The following PDE3B variants were observed in gnomAD, a reference collection of about 807,000 sequenced individuals.
The protein encoded by PDE3B is cGMP-inhibited 3',5'-cyclic phosphodiesterase 3B.
In PDE3B, 66 loss-of-function variants were observed where a neutral mutation model predicts 116.8. The ratio of observed to expected loss-of-function variants is 0.56; its 90% CI spans 0.46 to 0.69. The LOEUF is 0.69. PDE3B is among the 30% of genes least tolerant of loss of function. The pLI is 0.00. For missense variants in PDE3B, 1,384 were observed against 1,368.1 expected, an observed-to-expected ratio of 1.01 and a Z score of -0.18; for synonymous variants, 595 against 533.6, an observed-to-expected ratio of 1.12 and a Z score of -1.59.
rs1207209102 is a variant in PDE3B at position 14,843,990 on chromosome 11, G to C, written c.2484G>C (p.Arg828Ser). ...TGCATGATTATGATCACCCAGGGAG[G>C]ACAAATGCATTTCTAGTGGCTACAA... ...AAMHDYDHPG[R>S]TNAFLVATNA... Residue 828 changes from arginine (R) to serine (S), a missense_variant, in exon 12 of 16, where the codon AGG becomes AGC. Around this residue, in one of 2 missense-constraint regions of PDE3B, gnomAD observed 428 missense variants for 561.4 expected, o/e 0.76. Coordinates refer to ENST00000282096, the MANE Select transcript of PDE3B (RefSeq NM_000922.4). 6.2e-7 allele frequency: 1 copy of C among 1,614,064 alleles called. No individual in the cohort carries two copies. The highest frequency in any genetic ancestry group is 1.7e-5 in the Admixed American group (1 of 60,022).
intron 1 of PDE3B, among the ~76,000 whole-genome samples, chr11:14,670,231 A>G (rs1418929409): frequency 2.0e-5 from 3 of 152,206 alleles, no homozygotes; most frequent in African/African-American, 7.2e-5. Context: ...ACCTTAGGCA[A>G]GTTATCTAAT....
intron 12 of PDE3B, among the ~76,000 whole-genome samples, chr11:14,855,373 G>C (rs1332481439): frequency 6.6e-6 from 1 of 151,664 alleles, no homozygotes; most frequent in Non-Finnish European, 1.5e-5. Flanking sequence ...TTCCCGAGAA[G>C]ATGAAAACAA....
downstream of PDE3B, among the ~76,000 whole-genome samples, chr11:14,874,220 T>C (rs1431801240): frequency 6.6e-6 from 1 of 152,192 alleles, no homozygotes; most frequent in East Asian, 1.9e-4. Flanking sequence ...TCTTTTTATT[T>C]GTATTTCCTG....
intron 4 of PDE3B, among the ~76,000 whole-genome samples, chr11:14,802,267 G>C (rs888611039): frequency 4.6e-5 from 7 of 152,190 alleles, no homozygotes; most frequent in African/African-American, 1.4e-4. Flanking sequence ...TTGAAACCCA[G>C]GGCCCCGGTG....
the PDE3B span, chr11:14,886,048 C>T: frequency 5.9e-6 from 5 of 851,292 alleles, no homozygotes; most frequent in Non-Finnish European, 7.7e-6. Flanking sequence ...GCAGTTATTA[C>T]TCAACTGACA....
Position 14,678,166 on chromosome 11 carries a change from T to C in PDE3B, c.978+33113T>C, listed in dbSNP as rs546795789. Reference sequence around the variant, plus strand: ...CTGGTTTTGAACTGGCCTCAAGTTATTCACTTGTCTTAGCCTCCCGGACTG... The same window carrying C: ...CTGGTTTTGAACTGGCCTCAAGTTACTCACTTGTCTTAGCCTCCCGGACTG... On this transcript the variant is annotated intron_variant, in intron 1 of 15. Transcript: ENST00000282096. Among the ~76,000 whole-genome samples, 18 of 152,320 alleles carry C rather than the reference T, an allele frequency of 1.2e-4. No individual in the cohort carries two copies. The East Asian group carries it at 2.7e-3, about 23-fold the overall frequency.
chr11:14,808,049 G>A (rs1858999996), intron 5 of PDE3B, among the ~76,000 whole-genome samples: 2 of 147,324 alleles, frequency 1.4e-5, no homozygotes, highest in Admixed American at 1.4e-4. Flanking sequence ...GACAAAGCGA[G>A]CCTTCGTCTC....
chr11:14,802,316 C>T (rs1284771502), intron 4 of PDE3B, among the ~76,000 whole-genome samples: 4 of 152,126 alleles, frequency 2.6e-5, no homozygotes, highest in African/African-American at 9.7e-5. Flanking sequence ...CTGTGGATTG[C>T]GAAGACTGGG....
chr11:14,654,379 A>G (rs1590033638), intron 1 of PDE3B, among the ~76,000 whole-genome samples: 1 of 152,226 alleles, frequency 6.6e-6, no homozygotes, highest in Non-Finnish European at 1.5e-5. Context: ...AGTGGAATCC[A>G]TAAAGCAGTG....
intron 5 of PDE3B, among the ~76,000 whole-genome samples, chr11:14,807,588 CAGA>C (rs1035652396): frequency 1.3e-4 from 20 of 151,956 alleles, no homozygotes; most frequent in Admixed American, 3.3e-4. Flanking sequence ...AAAGCAAAAA[CAGA>C]AGAAACACAC....
intron 1 of PDE3B, among the ~76,000 whole-genome samples, chr11:14,655,589 A>G (rs1853695535): frequency 6.6e-6 from 1 of 152,158 alleles, no homozygotes; most frequent in Non-Finnish European, 1.5e-5. Context: ...GTAGACTCAG[A>G]TGTGCAGACT....
At position 14,830,815 on chromosome 11, in the gene PDE3B, C is replaced by A. The variant is rs1284875219; in HGVS notation, c.1925C>A (p.Thr642Lys). ...KLFQEGDKWL[T>K]EEAQSEQQTN... ...TTTCAGGAAGGTGATAAGTGGCTAA[C>A]AGAAGAGGCACAGAGTGAACAGCAA... The change falls in exon 8 of 16, where the codon ACA (threonine) becomes AAA (lysine). Residue 642 changes from threonine to lysine, a missense_variant. By Grantham distance (78) the Thr-to-Lys change is moderately conservative. Around this residue, in one of 2 missense-constraint regions of PDE3B, gnomAD observed 956 missense variants for 806.8 expected, o/e 1.18. Coordinates refer to ENST00000282096, the MANE Select transcript of PDE3B (RefSeq NM_000922.4). 3 of 1,526,376 alleles carry A rather than the reference C, an allele frequency of 2.0e-6. No homozygotes were observed. The highest frequency in any genetic ancestry group is 8.8e-7 in the Non-Finnish European group (1 of 1,142,462). 94.6% of individuals were successfully genotyped at this position (1,526,376 alleles called of 1,614,324 possible). A position where few individuals can be genotyped will look rare whatever the true frequency, so the allele number is the denominator to read the frequency against.
chr11:14,664,617 C>T (rs193042711), intron 1 of PDE3B, among the ~76,000 whole-genome samples: 133 of 152,196 alleles, frequency 8.7e-4, no homozygotes, highest in African/African-American at 2.7e-3. Flanking sequence ...TACAAACTAC[C>T]GTCAGAGGAT....
At chr11:14,771,825 T>A (rs974179245) in intron 1 of PDE3B, 112 bp from the exon 2 acceptor site, 8 of 423,712 alleles carry the variant, frequency 1.9e-5, no homozygotes, top group Non-Finnish European at 3.5e-5. Flanking sequence ...CCAATATCTC[T>A]TCCAGATTTT....
At chr11:14,708,673 T>A (rs1316389852) in intron 1 of PDE3B, among the ~76,000 whole-genome samples, 1 of 152,108 alleles carries the variant, frequency 6.6e-6, no homozygotes, top group African/African-American at 2.4e-5. Flanking sequence ...AGTGTGGTTA[T>A]GTAAGAGAAT....
chr11:14,856,102 G>A (rs1250223964), intron 12 of PDE3B, among the ~76,000 whole-genome samples: 1 of 152,242 alleles, frequency 6.6e-6, no homozygotes, highest in Non-Finnish European at 1.5e-5. Flanking sequence ...GTTCTCCCAT[G>A]CTGTTCTTAT....
At position 14,861,221 on chromosome 11, in the gene PDE3B, G is replaced by C. The variant is rs1847943927; in HGVS notation, c.2741G>C (p.Ser914Thr). ...CCAAAATAGGCAAATGATGTAAATA[G>C]TAATGGCATAGAATGGAGTAATGAA... ...EFNAKANDVN[S>T]NGIEWSNEND... Residue 914 changes from serine (S) to threonine (T), a missense_variant, in exon 14 of 16, where the codon AGT becomes ACT. By Grantham distance (58) the Ser-to-Thr change is moderately conservative. This residue lies in a region of PDE3B where 428 missense variants were observed against 561.4 expected (regional missense o/e 0.76). Transcript: ENST00000282096. 2 of 1,612,404 alleles carry C rather than the reference G, an allele frequency of 1.2e-6. No individual in the cohort carries two copies. The highest frequency in any genetic ancestry group is 1.7e-6 in the Non-Finnish European group (2 of 1,178,902).
intron 1 of PDE3B, among the ~76,000 whole-genome samples, chr11:14,738,854 A>G (rs1013487761): frequency 7.2e-5 from 11 of 152,238 alleles, no homozygotes; most frequent in African/African-American, 2.7e-4. Flanking sequence ...TTTATTAAAC[A>G]GGATATCCTT....
chr11:14,673,422 G>A (rs897517025), intron 1 of PDE3B, among the ~76,000 whole-genome samples: 1 of 151,242 alleles, frequency 6.6e-6, no homozygotes, highest in African/African-American at 2.4e-5. Flanking sequence ...AAAAGAAAAA[G>A]GATCTATTAC....
Sources: gnomAD v4.1 joint callset for allele counts (sites outside exome capture counted in the v4.1 genomes callset) on GRCh38, gnomAD v4.1.1 for gene constraint, gnomAD v4.1.1 regional missense constraint, MANE v1.5 for transcripts, NCBI Gene and HGNC (gene_info 2026-07-23, HGNC 2026-07-21) for gene names.